The following CNTNAP2 variants were observed in gnomAD, a reference collection of about 807,000 sequenced individuals.
CNTNAP2 encodes contactin associated protein 2.
CNTNAP2 carries 98 observed loss-of-function variants against 155.2 expected under a neutral mutation model. The ratio of observed to expected loss-of-function variants is 0.63; its 90% CI spans 0.54 to 0.75. The LOEUF (loss-of-function observed/expected upper bound fraction) is 0.75, where lower values mean the gene tolerates loss of function less well. Ranked by LOEUF, CNTNAP2 falls within the 30% of genes least tolerant of loss-of-function variation. The pLI is 0.00. For missense variants in CNTNAP2, 1,727 were observed against 1,688.1 expected (o/e 1.02, Z -0.40); for synonymous variants, 651 against 631.2 (o/e 1.03, Z -0.47).
chr7:147,959,278 C>T (rs1801076095), intron 14 of CNTNAP2, among the ~76,000 whole-genome samples: 1 of 151,962 alleles, frequency 6.6e-6, no homozygotes, highest in African/African-American at 2.4e-5. Context: ...TGACCTTCTC[C>T]CTTATTCCAG....
intron 9 of CNTNAP2, among the ~76,000 whole-genome samples, chr7:147,326,622 A>G (rs1049069411): frequency 1.3e-5 from 2 of 152,324 alleles, no homozygotes; most frequent in Non-Finnish European, 2.9e-5. Flanking sequence ...TTCCACAGCA[A>G]TGACACGATT....
At chr7:147,022,905 A>G (rs1481825408) in intron 3 of CNTNAP2, among the ~76,000 whole-genome samples, 1 of 152,160 alleles carries the variant, frequency 6.6e-6, no homozygotes, top group African/African-American at 2.4e-5. Context: ...ACATCTGTCT[A>G]ATGAATTATA....
At chr7:146,372,670 C>A (rs1237940678) in intron 1 of CNTNAP2, among the ~76,000 whole-genome samples, 1 of 151,950 alleles carries the variant, frequency 6.6e-6, no homozygotes, top group Non-Finnish European at 1.5e-5. Context: ...CTAGACGTAC[C>A]CTAAATGAAG....
rs112930665 is a variant in CNTNAP2, at chr7:147,573,565, C to T, written c.1897+11308C>T. ...TTGAGAGATGAAATGAATGCCTTTG[C>T]TGCTCCAGGCAGCAGGGCATGGAGG... On this transcript the variant is annotated intron_variant, in intron 12 of 23. Transcript: ENST00000361727. Among the ~76,000 whole-genome samples, 699 of 152,302 alleles carry T rather than the reference C, an allele frequency of 4.6e-3. 9 individuals carry two copies. The highest frequency in any genetic ancestry group is 0.016 in the African/African-American group (654 of 41,572).
At position 147,930,411 on chromosome 7, in the gene CNTNAP2, A is replaced by T. The variant is rs375558046; in HGVS notation, c.2255+26690A>T. On this transcript the variant is annotated intron_variant, in intron 14 of 23. Coordinates refer to ENST00000361727, the MANE Select transcript of CNTNAP2 (RefSeq NM_014141.6). ...CAAATGATAATCTATGCAAATGGCA[A>T]CCAAAAGAGAGCAGGAGTGGCTATA... Among the ~76,000 whole-genome samples, 8 of 152,198 alleles carry T rather than the reference A, an allele frequency of 5.3e-5. No homozygotes were observed. In the East Asian group the frequency reaches 1.5e-3, roughly 29 times the overall value.
intron 20 of CNTNAP2, among the ~76,000 whole-genome samples, chr7:148,238,981 A>C (rs931127885): frequency 1.3e-5 from 2 of 152,348 alleles, no homozygotes; most frequent in Non-Finnish European, 2.9e-5. Flanking sequence ...GTTTGGAAGC[A>C]CTAAATTTTT....
chr7:148,074,848 A>G (rs1478436056), intron 15 of CNTNAP2, among the ~76,000 whole-genome samples: 1 of 152,214 alleles, frequency 6.6e-6, no homozygotes, highest in African/African-American at 2.4e-5. Flanking sequence ...ATGTTCTGCC[A>G]TGATGTCTCA....
intron 19 of CNTNAP2, among the ~76,000 whole-genome samples, chr7:148,225,628 C>T (rs6970909): frequency 0.071 from 10,810 of 152,184 alleles, 1,074 homozygotes; most frequent in African/African-American, 0.22. Context: ...GTGGTGAGGA[C>T]ACTGTGTATC....
intron 1 of CNTNAP2, among the ~76,000 whole-genome samples, chr7:146,355,715 C>T (rs1040870057): frequency 3.3e-5 from 5 of 152,070 alleles, no homozygotes; most frequent in South Asian, 2.1e-4. Flanking sequence ...TGTGAAATAT[C>T]ATTTCATTTT....
chr7:147,662,173 C>T (rs1461948589), intron 13 of CNTNAP2, among the ~76,000 whole-genome samples: 1 of 152,218 alleles, frequency 6.6e-6, no homozygotes, highest in Non-Finnish European at 1.5e-5. Context: ...CCCGATCTGA[C>T]ATAATGTAGA....
intron 1 of CNTNAP2, among the ~76,000 whole-genome samples, chr7:146,183,878 G>A (rs1209949244): frequency 6.6e-6 from 1 of 152,042 alleles, no homozygotes; most frequent in Non-Finnish European, 1.5e-5. Context: ...ATTACCTCGA[G>A]GAATCTCTCA....
Position 148,174,406 on chromosome 7 carries a change from C to A in CNTNAP2, c.3010+1928C>A, listed in dbSNP as rs1270739376. On this transcript the variant is annotated intron_variant, in intron 18 of 23. Transcript: ENST00000361727. ...TCCAGGTAGCCTGGTGCCTGCACAG[C>A]AGTTCCTGTGACCGCCCCCCACCTC... Among the ~76,000 whole-genome samples the A allele has an allele frequency of 1.4e-4, 18 of 130,580 alleles. No homozygotes were observed. The Admixed American group carries it at 1.5e-3, about 11-fold the overall frequency. 85.7% of individuals were successfully genotyped at this position (130,580 alleles called of 152,430 possible).
intron 21 of CNTNAP2, among the ~76,000 whole-genome samples, chr7:148,373,652 T>C (rs1293223085): frequency 2.0e-5 from 3 of 152,186 alleles, no homozygotes; most frequent in South Asian, 2.1e-4. Context: ...AATGAGACCA[T>C]ATCTATTTGT....
At chr7:146,638,203 T>C (rs1443877835) in intron 1 of CNTNAP2, among the ~76,000 whole-genome samples, 2 of 152,146 alleles carry the variant, frequency 1.3e-5, no homozygotes, top group Non-Finnish European at 1.5e-5. Context: ...CCTAATGATA[T>C]CACATCCAAA....
chr7:146,372,425 C>T (rs1015710121), intron 1 of CNTNAP2, among the ~76,000 whole-genome samples: 1 of 152,110 alleles, frequency 6.6e-6, no homozygotes, highest in African/African-American at 2.4e-5. Flanking sequence ...CCATTTCATA[C>T]AAAATTTCTC....
intron 1 of CNTNAP2, among the ~76,000 whole-genome samples, chr7:146,161,244 A>G (rs1798216800): frequency 6.6e-6 from 1 of 152,234 alleles, no homozygotes; most frequent in Admixed American, 6.5e-5. Context: ...AGCCAGTATC[A>G]TACTGAATGC....
intron 1 of CNTNAP2, among the ~76,000 whole-genome samples, chr7:146,484,200 A>AG (rs1402490107): frequency 1.3e-5 from 2 of 152,210 alleles, no homozygotes; most frequent in African/African-American, 4.8e-5. Context: ...CTAGGTGCGT[A>AG]GTGGTGTGTA....
intron 13 of CNTNAP2, among the ~76,000 whole-genome samples, chr7:147,694,981 A>G (rs1796141297): frequency 6.6e-6 from 1 of 152,062 alleles, no homozygotes; most frequent in Admixed American, 6.6e-5. Context: ...TAGTGTTACA[A>G]TTTCCCTCTA....
chr7:148,210,620 A>AT (rs1331781557), intron 18 of CNTNAP2, among the ~76,000 whole-genome samples: 1 of 152,148 alleles, frequency 6.6e-6, no homozygotes, highest in African/African-American at 2.4e-5. Context: ...TTTCTTTGGC[A>AT]TTTTTTCTCC....
Sources: gnomAD v4.1 joint callset for allele counts (sites outside exome capture counted in the v4.1 genomes callset) on GRCh38, gnomAD v4.1.1 for gene constraint, MANE v1.5 for transcripts, NCBI Gene and HGNC (gene_info 2026-07-23, HGNC 2026-07-21) for gene names.